The following METTL15 variants were observed in gnomAD, a reference collection of about 807,000 sequenced individuals.
METTL15 encodes the protein methyltransferase 15, mitochondrial 12S rRNA N4-cytidine, also known as 12S rRNA N(4)-cytidine methyltransferase METTL15.
A neutral mutation model predicts 38.3 loss-of-function variants in METTL15; 34 were observed. The ratio of observed to expected loss-of-function variants is 0.89; its 90% CI spans 0.68 to 1.18. METTL15 has a LOEUF of 1.18. Ranked by LOEUF, METTL15 falls within the 50% of genes most tolerant of loss-of-function variation. The probability of loss-of-function intolerance (pLI) is 0.00; values close to 1 mark genes in which losing one functional copy is unlikely to be tolerated. For missense variants in METTL15, 438 were observed against 498.4 expected (o/e 0.88, Z 1.15); for synonymous variants, 162 against 170.9 (o/e 0.95, Z 0.41).
chr11:28,210,917 T>C (rs1285888991), intron 3 of METTL15, 145 bp from the exon 4 acceptor site: 5 of 859,384 alleles, frequency 5.8e-6, no homozygotes, highest in Non-Finnish European at 8.7e-6. Context: ...ATGTAACAAA[T>C]TCAACTATAG....
intron 6 of METTL15, among the ~76,000 whole-genome samples, chr11:28,491,168 A>G (rs1430784777): frequency 6.6e-6 from 1 of 152,162 alleles, no homozygotes; most frequent in Non-Finnish European, 1.5e-5. Context: ...CAGATTGGCT[A>G]TCTGTTTGGA....
chr11:28,262,721 T>C (rs1048904793), intron 4 of METTL15, among the ~76,000 whole-genome samples: 2 of 152,116 alleles, frequency 1.3e-5, no homozygotes, highest in Non-Finnish European at 2.9e-5. Flanking sequence ...ATGCCATCTT[T>C]CCTGAGCCAA....
intron 3 of METTL15, among the ~76,000 whole-genome samples, chr11:28,159,750 A>G (rs7112246): frequency 1 from 151,715 of 152,284 alleles, 75,580 homozygotes; most frequent in Non-Finnish European, 1. Flanking sequence ...TATTTGGGTT[A>G]GGGATTGCTG....
chr11:28,435,083 T>C (rs1185128570), intron 6 of METTL15, among the ~76,000 whole-genome samples: 1 of 152,182 alleles, frequency 6.6e-6, no homozygotes, highest in Non-Finnish European at 1.5e-5. Context: ...CCTAATTTGC[T>C]CAATCTTCCA....
In METTL15 at chr11:28,199,887, C is replaced by T. The variant is rs189846476; in HGVS notation, c.271-11175C>T. On this transcript the variant is annotated intron_variant, in intron 3 of 6. Transcript: ENST00000407364. ...CCTCCCAAGTAGCTGGGATTACAGG[C>T]GCCCGCCACCATGCCTGGGTAATTT... Among the ~76,000 whole-genome samples the T allele has an allele frequency of 2.1e-4, 32 of 151,910 alleles. No homozygotes were observed. In the East Asian group the frequency reaches 2.5e-3, roughly 12 times the overall value.
intron 3 of METTL15, chr11:28,125,924 T>G (rs1015921526): frequency 6.6e-6 from 1 of 152,146 alleles, no homozygotes; most frequent in East Asian, 1.9e-4. Flanking sequence ...GAATTCTAAG[T>G]GACTTAATTC....
intron 4 of METTL15, among the ~76,000 whole-genome samples, chr11:28,268,369 A>C (rs896902822): frequency 1.3e-5 from 2 of 152,094 alleles, no homozygotes; most frequent in Non-Finnish European, 2.9e-5. Flanking sequence ...TGAAATGATT[A>C]GGAGTTTTTT....
At chr11:28,525,990 G>A (rs1234371041) in intron 6 of METTL15, among the ~76,000 whole-genome samples, 1 of 152,244 alleles carries the variant, frequency 6.6e-6, no homozygotes, top group East Asian at 1.9e-4. Context: ...GCACAGCGCT[G>A]GTGGGCCAGC....
intron 6 of METTL15, 23 bp downstream of exon 6, chr11:28,296,954 G>A (rs926068832): frequency 3.1e-6 from 5 of 1,612,232 alleles, no homozygotes; most frequent in Non-Finnish European, 4.2e-6. Context: ...ATTCTCAACA[G>A]TGTCTAAGAG....
At chr11:28,402,125 GTC>G (rs994192016) in intron 5 of METTL15, among the ~76,000 whole-genome samples, 3 of 151,824 alleles carry the variant, frequency 2.0e-5, no homozygotes, top group Admixed American at 2.0e-4. Context: ...TATTACTTAG[GTC>G]TCTGTTAGGG....
intron 6 of METTL15, among the ~76,000 whole-genome samples, chr11:28,431,480 C>G (rs1369655184): frequency 1.2e-5 from 1 of 80,160 alleles, no homozygotes; most frequent in Non-Finnish European, 2.7e-5. Flanking sequence ...GTGACCTTAC[C>G]CCCAACCCTG....
intron 4 of METTL15, among the ~76,000 whole-genome samples, chr11:28,357,255 T>A (rs1198343472): frequency 1.3e-5 from 2 of 152,222 alleles, no homozygotes; most frequent in Non-Finnish European, 1.5e-5. Flanking sequence ...CCTTGCTGAG[T>A]ATCAGTTTTC....
chr11:28,380,329 G>A (rs1385071188), intron 5 of METTL15, among the ~76,000 whole-genome samples: 5 of 151,710 alleles, frequency 3.3e-5, no homozygotes, highest in Admixed American at 2.6e-4. Context: ...CATCACGCCC[G>A]GCTAAGTTTT....
At chr11:28,415,683 G>T (rs545140343) in intron 5 of METTL15, among the ~76,000 whole-genome samples, 12 of 152,276 alleles carry the variant, frequency 7.9e-5, no homozygotes, top group African/African-American at 2.6e-4. Context: ...AGCTATAGTT[G>T]ATACTGGAAG....
At chr11:28,179,490 T>C (rs939523913) in intron 3 of METTL15, among the ~76,000 whole-genome samples, 1 of 151,864 alleles carries the variant, frequency 6.6e-6, no homozygotes, top group Admixed American at 6.6e-5. Context: ...TGTCACTTTC[T>C]TTTCCTTGTT....
chr11:28,423,172 T>G (rs1850835905), intron 5 of METTL15, among the ~76,000 whole-genome samples: 1 of 151,974 alleles, frequency 6.6e-6, no homozygotes, highest in African/African-American at 2.4e-5. Context: ...TTAAAATAAC[T>G]TTTATCCAAA....
Position 28,236,927 on chromosome 11 carries a change from GC to G in METTL15, c.407+25734del, listed in dbSNP as rs574596790. On this transcript the variant is annotated intron_variant, in intron 4 of 6. Transcript: ENST00000407364. ...TTTTCTTTAAGAATGTTGAATATTG[GC>G]CCCCACTCTATTCTAGCTTGTAGAG... Among the ~76,000 whole-genome samples, 303 of 152,096 alleles carry G rather than the reference GC, an allele frequency of 2.0e-3. 2 individuals are homozygous for G. Among genetic ancestry groups the G allele is most frequent in the African/African-American group, 7.2e-3 (297 of 41,482 alleles).
At chr11:28,204,764 T>C (rs1330163653) in intron 3 of METTL15, among the ~76,000 whole-genome samples, 2 of 152,006 alleles carry the variant, frequency 1.3e-5, no homozygotes, top group South Asian at 2.1e-4. Flanking sequence ...TATAAATCTC[T>C]GTAAGATAAA....
At chr11:28,202,672 A>G (rs1384216276) in intron 3 of METTL15, among the ~76,000 whole-genome samples, 1 of 152,124 alleles carries the variant, frequency 6.6e-6, no homozygotes, top group Non-Finnish European at 1.5e-5. Context: ...AAATGAAACT[A>G]GTTGCAAATA....
Sources: gnomAD v4.1 joint callset for allele counts (sites outside exome capture counted in the v4.1 genomes callset) on GRCh38, gnomAD v4.1.1 for gene constraint, MANE v1.5 for transcripts, NCBI Gene and HGNC (gene_info 2026-07-23, HGNC 2026-07-21) for gene names.